UBE2W: variants seen among roughly 807,000 people sequenced by gnomAD.
UBE2W encodes the protein ubiquitin-conjugating enzyme E2 W.
A neutral mutation model predicts 27.2 loss-of-function variants in UBE2W; 18 were observed. That is an observed-to-expected ratio of 0.66 (90% CI 0.46 to 0.98). The LOEUF is 0.98. Among genes scored for constraint, UBE2W ranks in the 50% least tolerant of loss-of-function variants. UBE2W has a pLI of 0.00. For synonymous variants in UBE2W, 53 were observed against 57.2 expected, an observed-to-expected ratio of 0.93 and a Z score of 0.33; for missense variants, 90 against 180.2, an observed-to-expected ratio of 0.50 and a Z score of 2.87.
At chr8:73,832,153 T>A (rs868647751) in intron 1 of UBE2W, among the ~76,000 whole-genome samples, 19 of 134,834 alleles carry the variant, frequency 1.4e-4, no homozygotes, top group Middle Eastern at 3.5e-3. Context: ...ATATATATAT[T>A]AGCCAGGTGT....
intron 1 of UBE2W, among the ~76,000 whole-genome samples, chr8:73,841,591 AGAG>A (rs1442421149): frequency 6.6e-6 from 1 of 152,220 alleles, no homozygotes. Flanking sequence ...AAGAGTGGTA[AGAG>A]GAGAAAAACC....
Position 73,793,221 on chromosome 8 carries a change from G to A in UBE2W, c.*881C>T. The A allele has an allele frequency of 1.0e-6, 1 of 985,760 alleles. No homozygotes were observed. Among genetic ancestry groups the A allele is most frequent in the Non-Finnish European group, 1.2e-6 (1 of 829,896 alleles). The allele number at this position is 985,760 out of a possible 1,614,324, so 61.1% of individuals were successfully genotyped here. A position where few individuals can be genotyped will look rare whatever the true frequency, so the allele number is the denominator to read the frequency against. ...TGATGGCTAGCAGGAAGTTAACAGA[G>A]TGTAACTTACTTGGAAAAAATCTTT... is the stretch of plus-strand genomic sequence containing the variant. On this transcript the variant is annotated 3_prime_UTR_variant, in exon 6 of 6. Transcript: ENST00000602593.
Position 73,825,087 on chromosome 8 carries a change from C to T in UBE2W, c.210+60G>A, listed in dbSNP as rs999619492. On this transcript the variant is annotated intron_variant, in intron 3 of 5. Transcript: ENST00000602593. Reference sequence around the variant, plus strand: ...ATTTATATGTTTTTACTGAGTCAAACATCTCTGGCATTTAGCTATCTAAAA... The same window carrying T: ...ATTTATATGTTTTTACTGAGTCAAATATCTCTGGCATTTAGCTATCTAAAA... 4.8e-6 allele frequency: 5 copies of T among 1,037,282 alleles called. No homozygotes were observed. The African/African-American group carries it at 8.2e-5, about 17-fold the overall frequency. 64.3% of individuals were successfully genotyped at this position (1,037,282 alleles called of 1,614,324 possible).
chr8:73,845,468 C>T (rs1344231959), intron 1 of UBE2W, among the ~76,000 whole-genome samples: 3 of 152,080 alleles, frequency 2.0e-5, no homozygotes, highest in African/African-American at 7.2e-5. Flanking sequence ...GGATTAAGGG[C>T]AGTGCAAGAT....
At chr8:73,867,712 A>C (rs902607889) in intron 1 of UBE2W, among the ~76,000 whole-genome samples, 37 of 41,450 alleles carry the variant, frequency 8.9e-4, no homozygotes, top group Non-Finnish European at 1.6e-3. Context: ...GCTCTGTCTC[A>C]GAAAAAAAAA....
chr8:73,781,791 C>A (rs1315810252), downstream of UBE2W, among the ~76,000 whole-genome samples: 2 of 151,926 alleles, frequency 1.3e-5, no homozygotes, highest in Non-Finnish European at 2.9e-5. Flanking sequence ...GTTGCCCAGG[C>A]TAGACTCAGG....
intron 2 of UBE2W, among the ~76,000 whole-genome samples, chr8:73,829,429 A>T (rs551905945): frequency 7.9e-4 from 121 of 152,306 alleles, no homozygotes; most frequent in African/African-American, 2.7e-3. Flanking sequence ...ATAATATGCA[A>T]CAAATGCCAC....
chr8:73,799,717 T>C lies in UBE2W; in HGVS notation c.443-5602A>G, dbSNP rs185854816. Among the ~76,000 whole-genome samples the C allele has an allele frequency of 2.0e-5, 3 of 152,302 alleles. No individual in the cohort carries two copies. The East Asian group carries it at 5.8e-4, about 29-fold the overall frequency. On this transcript the variant is annotated intron_variant, in intron 5 of 5. Coordinates refer to ENST00000602593, the MANE Select transcript of UBE2W (RefSeq NM_018299.6). ...GGAGCTTGAGACCTGAGGCACACAA[T>C]TCCACTTAGTTTCTAGAAACTGAAA...
chr8:73,878,600 G>A (rs1172059656), intron 1 of UBE2W, among the ~76,000 whole-genome samples: 2 of 152,108 alleles, frequency 1.3e-5, no homozygotes, highest in Non-Finnish European at 2.9e-5. Flanking sequence ...GCTGGTGTCC[G>A]CTTCGACCGA....
Position 73,787,821 on chromosome 8 carries a change from C to T in UBE2W, c.*6281G>A, listed in dbSNP as rs1484135849. On this transcript the variant is annotated 3_prime_UTR_variant, in exon 6 of 6. Transcript: ENST00000602593. ...TTGAAGTTCAGGAACATCGGACTCA[C>T]GATAACTCTAAGCAAGTGCCTGGGT... 28 of 985,360 alleles carry T rather than the reference C, an allele frequency of 2.8e-5. No individual in the cohort carries two copies. The East Asian group carries it at 3.4e-4, about 12-fold the overall frequency. The allele number at this position is 985,360 out of a possible 1,614,324, so 61.0% of individuals were successfully genotyped here.
Position 73,858,989 on chromosome 8 carries a change from T to C in UBE2W, c.15+19819A>G, listed in dbSNP as rs908539771. ...CACAGGGGGTTTTTGCGTGTGTGTG[T>C]GTGTGTGTGTGTGTGTGTGTGTGTG... On this transcript the variant is annotated intron_variant, in intron 1 of 5. Transcript: ENST00000602593. Among the ~76,000 whole-genome samples, 102 of 140,572 alleles carry C rather than the reference T, an allele frequency of 7.3e-4. 3 individuals carry two copies. The highest frequency in any genetic ancestry group is 3.5e-3 in the Middle Eastern group (1 of 284). The allele number at this position is 140,572 out of a possible 152,430, so 92.2% of individuals were successfully genotyped here.
At chr8:73,870,436 T>C (rs1395131230) in intron 1 of UBE2W, 1 of 764,298 alleles carries the variant, frequency 1.3e-6, no homozygotes, top group Non-Finnish European at 2.1e-6. Context: ...TAGCTTAAAA[T>C]GGGAAACATA....
intron 1 of UBE2W, among the ~76,000 whole-genome samples, chr8:73,878,452 G>A (rs1175049264): frequency 6.6e-6 from 1 of 152,224 alleles, no homozygotes; most frequent in African/African-American, 2.4e-5. Flanking sequence ...GACAGCGGGG[G>A]TAAAGGCAAC....
At chr8:73,856,769 G>C (rs1811319986) in intron 1 of UBE2W, among the ~76,000 whole-genome samples, 3 of 149,302 alleles carry the variant, frequency 2.0e-5, no homozygotes, top group Admixed American at 1.3e-4. Flanking sequence ...GCAGTGGTGT[G>C]ATCTCGGCTC....
chr8:73,844,511 C>A, intron 1 of UBE2W, among the ~76,000 whole-genome samples: 1 of 152,328 alleles, frequency 6.6e-6, no homozygotes, highest in East Asian at 1.9e-4. Flanking sequence ...CTCTACCTCC[C>A]AGCCGTCTGC....
chr8:73,827,754 G>A (rs185471357), intron 2 of UBE2W, among the ~76,000 whole-genome samples: 8 of 151,690 alleles, frequency 5.3e-5, no homozygotes, highest in South Asian at 2.1e-4. Context: ...TGCCCAGTCC[G>A]GTCTTGAACT....
At chr8:73,850,207 T>C (rs1811012974) in intron 1 of UBE2W, among the ~76,000 whole-genome samples, 1 of 152,190 alleles carries the variant, frequency 6.6e-6, no homozygotes, top group Non-Finnish European at 1.5e-5. Flanking sequence ...TAAGGAAATA[T>C]AATAGAACCA....
chr8:73,799,972 G>A (rs1374624492), intron 5 of UBE2W, among the ~76,000 whole-genome samples: 1 of 152,066 alleles, frequency 6.6e-6, no homozygotes, highest in East Asian at 1.9e-4. Flanking sequence ...ACTGACTTGT[G>A]GAAAGTTCTA....
chr8:73,869,877 A>C (rs1399996771), intron 1 of UBE2W, among the ~76,000 whole-genome samples: 1 of 152,164 alleles, frequency 6.6e-6, no homozygotes, highest in African/African-American at 2.4e-5. Flanking sequence ...TCTCAAACAA[A>C]CAGCTAAGTG....
Sources: allele counts gnomAD v4.1 joint callset (sites outside exome capture counted in the v4.1 genomes callset), GRCh38; gene constraint gnomAD v4.1.1; transcripts MANE v1.5; gene names NCBI Gene and HGNC (gene_info 2026-07-23, HGNC 2026-07-21).